The following AHCTF1 variants were observed in gnomAD, a reference collection of about 807,000 sequenced individuals.
AHCTF1 encodes the protein AT-hook containing transcription factor 1.
In AHCTF1, 24 loss-of-function variants were observed where a neutral mutation model predicts 248.4. The observed-to-expected ratio is 0.10, with a 90% CI of 0.07 to 0.14. AHCTF1 has a LOEUF of 0.14. AHCTF1 is among the 10% of genes least tolerant of loss of function. The pLI is 1.00. For synonymous variants in AHCTF1, 786 were observed against 929.8 expected, an observed-to-expected ratio of 0.85 and a Z score of 2.81; for missense variants, 2,206 against 2,636.2, an observed-to-expected ratio of 0.84 and a Z score of 3.57.
intron 19 of AHCTF1, among the ~76,000 whole-genome samples, 169 bp downstream of exon 19, chr1:246,888,008 T>C (rs976171923): frequency 2.0e-5 from 3 of 152,178 alleles, no homozygotes; most frequent in African/African-American, 7.2e-5. Context: ...TAGTTTTAGG[T>C]TGATCACAGG....
In AHCTF1 at chr1:246,864,116, T is replaced by A. The variant is rs755035822; in HGVS notation, c.3348A>T (p.Arg1116Ser). 1.9e-6 allele frequency: 3 copies of A among 1,611,794 alleles called. No homozygotes were observed. The Admixed American group carries it at 5.1e-5, about 27-fold the overall frequency. The change falls in exon 27 of 36, where the codon AGA becomes AGT. Residue 1116 changes from arginine to serine, a missense_variant and splice_region_variant. Physicochemically the swap from Arg to Ser is moderately radical, Grantham distance 110. Around this residue, in one of 6 missense-constraint regions of AHCTF1, gnomAD observed 955 missense variants for 1,055.6 expected, o/e 0.90. Coordinates refer to ENST00000648844, the MANE Select transcript of AHCTF1 (RefSeq NM_001323342.2). ...PISKASQKIS[R>S]LLDLVVQPVP... is the part of the protein sequence containing the mutation. Reference sequence around the variant, plus strand: ...CAGGCTGAACAACCAAATCTAGCAGTCTGTAATCAGAATGCGCATTTATTG... The same window carrying A: ...CAGGCTGAACAACCAAATCTAGCAGACTGTAATCAGAATGCGCATTTATTG...
At chr1:246,887,403 C>A (rs1363566327) in intron 19 of AHCTF1, 46 bp from the exon 20 acceptor site, 2 of 1,546,898 alleles carry the variant, frequency 1.3e-6, no homozygotes. Flanking sequence ...CAACAAAAAC[C>A]TCCTACGTAT....
intron 1 of AHCTF1, among the ~76,000 whole-genome samples, chr1:246,927,416 G>T (rs549729262): frequency 1.2e-4 from 18 of 152,326 alleles, no homozygotes; most frequent in African/African-American, 4.1e-4. Flanking sequence ...TTGAACCGGG[G>T]AGGTGGAGGT....
At position 246,854,456 on chromosome 1, in the gene AHCTF1, G is replaced by T. The variant is rs545211803; in HGVS notation, c.4355-1157C>A. Among the ~76,000 whole-genome samples, 5 of 152,202 alleles carry T rather than the reference G, an allele frequency of 3.3e-5. No individual in the cohort carries two copies. In the East Asian group the frequency reaches 9.7e-4, roughly 29 times the overall value. On this transcript the variant is annotated intron_variant, in intron 31 of 35. Coordinates refer to ENST00000648844, the MANE Select transcript of AHCTF1 (RefSeq NM_001323342.2). ...CCCCAAAATGGTGATTGGCCCAAAT[G>T]TTCAGCAATAAGCAATTAGTTAAGC...
At chr1:246,926,356 C>T (rs938693835) in intron 1 of AHCTF1, among the ~76,000 whole-genome samples, 1 of 152,210 alleles carries the variant, frequency 6.6e-6, no homozygotes, top group African/African-American at 2.4e-5. Flanking sequence ...TTACTATATT[C>T]TGTCTTCCTC....
intron 14 of AHCTF1, among the ~76,000 whole-genome samples, chr1:246,892,931 C>A (rs1442700887): frequency 2.0e-5 from 3 of 152,132 alleles, no homozygotes; most frequent in African/African-American, 7.2e-5. Context: ...CAAGCCTGAG[C>A]CACCACACCT....
rs766842451 is a variant in AHCTF1, at chr1:246,877,289, C to T, written c.2674G>A (p.Ala892Thr). ...VLLFNRCMVE[A>T]WNFLRQHCNR... ...CAATGTTGCCGCAAAAAATTCCAGG[C>T]TTCAACCATACACCTGAAAGCAGTA... The change falls in exon 22 of 36, where the codon GCC (alanine) becomes ACC (threonine). Residue 892 changes from alanine (A) to threonine (T), a missense_variant. Coordinates refer to ENST00000648844, the MANE Select transcript of AHCTF1 (RefSeq NM_001323342.2). 1 of 1,600,866 alleles carries T rather than the reference C, an allele frequency of 6.2e-7. No individual in the cohort carries two copies. Among genetic ancestry groups the T allele is most frequent in the South Asian group, 1.1e-5 (1 of 87,892 alleles).
Position 246,863,948 on chromosome 1 carries a change from C to A in AHCTF1, c.3516G>T (p.Leu1172Phe). 2 of 1,613,958 alleles carry A rather than the reference C, an allele frequency of 1.2e-6. No homozygotes were observed. The highest frequency in any genetic ancestry group is 1.7e-6 in the Non-Finnish European group (2 of 1,179,902). The change falls in exon 27 of 36, where the codon TTG (leucine) becomes TTT (phenylalanine). Residue 1172 changes from leucine to phenylalanine, a missense_variant. Coordinates refer to ENST00000648844, the MANE Select transcript of AHCTF1 (RefSeq NM_001323342.2). Reference sequence around the variant, plus strand: ...CCTTAACTACAAGAGGAGTTTCAAGCAAATGTAATTCTGAAGCCCTGGAGA... The same window carrying A: ...CCTTAACTACAAGAGGAGTTTCAAGAAAATGTAATTCTGAAGCCCTGGAGA... ...QAISRASELH[L>F]LETPLVVKKA...
rs186720154 is a variant in AHCTF1 at position 246,930,901 on chromosome 1, T to C, written c.-8+677A>G. ...ACTTTGCACACAGATAGTATGAACCTCGTAAGCTTTGAGAACAAAATTTCC... is the reference window on the plus strand; with the variant it reads ...ACTTTGCACACAGATAGTATGAACCCCGTAAGCTTTGAGAACAAAATTTCC... On this transcript the variant is annotated intron_variant, in intron 1 of 35. Transcript: ENST00000648844. 3.9e-5 allele frequency among the ~76,000 whole-genome samples: 6 copies of C among 152,282 alleles called. No individual in the cohort carries two copies. In the East Asian group the frequency reaches 1.2e-3, roughly 29 times the overall value.
intron 1 of AHCTF1, among the ~76,000 whole-genome samples, chr1:246,927,486 CA>C (rs1667021463): frequency 1.3e-5 from 2 of 152,070 alleles, no homozygotes; most frequent in South Asian, 4.2e-4. Context: ...CTGACTGTCT[CA>C]AAAAGAAAAA....
rs545832052 is a variant in AHCTF1, at chr1:246,898,872, G to A, written c.1495-536C>T. Among the ~76,000 whole-genome samples, 56 of 152,332 alleles carry A rather than the reference G, an allele frequency of 3.7e-4. 1 individual carries two copies. The South Asian group carries it at 0.011, about 30-fold the overall frequency. The stretch of plus-strand genomic sequence containing the variant: ...GGAGGCCGAGGCAGGCGGATCATCT[G>A]AGGTCAGGAGTTCGAGACCAGCCTG... On this transcript the variant is annotated intron_variant, in intron 11 of 35. Transcript: ENST00000648844.
At chr1:246,916,466 T>A in intron 2 of AHCTF1, 71 bp from the exon 3 acceptor site, 1 of 1,326,964 alleles carries the variant, frequency 7.5e-7, no homozygotes, top group South Asian at 1.4e-5. Flanking sequence ...TTAGCTCATT[T>A]ACATACAACT....
intron 30 of AHCTF1, 32 bp from the exon 31 acceptor site, chr1:246,855,859 TAAG>T: frequency 6.4e-7 from 1 of 1,556,078 alleles, no homozygotes; most frequent in South Asian, 1.1e-5. Context: ...CCTTAGTGTG[TAAG>T]AAGATCCCAT....
At chr1:246,915,836 C>T (rs1433841278) in intron 3 of AHCTF1, among the ~76,000 whole-genome samples, 1 of 152,086 alleles carries the variant, frequency 6.6e-6, no homozygotes, top group African/African-American at 2.4e-5. Flanking sequence ...GAGATAAGAA[C>T]AAGATTTAGA....
intron 7 of AHCTF1, among the ~76,000 whole-genome samples, chr1:246,903,080 CTA>C (rs1296909662): frequency 6.6e-6 from 1 of 152,202 alleles, no homozygotes; most frequent in Non-Finnish European, 1.5e-5. Context: ...TGACAAAAGG[CTA>C]TGAGACTTCG....
intron 21 of AHCTF1, among the ~76,000 whole-genome samples, chr1:246,877,642 G>A (rs1321320316): frequency 6.6e-6 from 1 of 152,176 alleles, no homozygotes; most frequent in Non-Finnish European, 1.5e-5. Flanking sequence ...TTTAAGAAGT[G>A]ACACTCAGTG....
Position 246,900,224 on chromosome 1 carries a change from A to G in AHCTF1, c.1273T>C (p.Cys425Arg). 1 of 1,593,176 alleles carries G rather than the reference A, an allele frequency of 6.3e-7. No individual in the cohort carries two copies. Among genetic ancestry groups the G allele is most frequent in the Non-Finnish European group, 8.5e-7 (1 of 1,174,032 alleles). ...AATGACCACAGTGCAAAATAAGAGC[A>G]ATTATGTAGATATTCTCCTGACCTA... is the stretch of plus-strand genomic sequence containing the variant. ...SLRSGEYLHNCSYFALWSLES... is the reference protein window; with the variant it reads ...SLRSGEYLHNRSYFALWSLES... Residue 425 changes from cysteine (C) to arginine (R), a missense_variant, in exon 10 of 36, where the codon TGC becomes CGC. Cys to Arg is a radical substitution (Grantham distance 180). Coordinates refer to ENST00000648844, the MANE Select transcript of AHCTF1 (RefSeq NM_001323342.2).
intron 1 of AHCTF1, among the ~76,000 whole-genome samples, chr1:246,926,978 T>A (rs577994202): frequency 1.3e-5 from 2 of 149,220 alleles, no homozygotes; most frequent in African/African-American, 2.5e-5. Context: ...ATCGAGACCA[T>A]CCTGGCTAAC....
chr1:246,894,966 T>A (rs1664469164), intron 13 of AHCTF1, among the ~76,000 whole-genome samples: 1 of 151,044 alleles, frequency 6.6e-6, no homozygotes, highest in South Asian at 2.1e-4. Context: ...TGTCATTTAA[T>A]CATGAGGAGC....
Sources: gnomAD v4.1 joint callset for allele counts (sites outside exome capture counted in the v4.1 genomes callset) on GRCh38, gnomAD v4.1.1 for gene constraint, gnomAD v4.1.1 regional missense constraint, MANE v1.5 for transcripts, NCBI Gene and HGNC (gene_info 2026-07-23, HGNC 2026-07-21) for gene names.